HMGCLL1: variants seen among roughly 807,000 people sequenced by gnomAD.
The protein encoded by HMGCLL1 is 3-hydroxymethyl-3-methylglutaryl-CoA lyase, cytoplasmic.
In HMGCLL1, 36 loss-of-function variants were observed where a neutral mutation model predicts 39.1. The observed-to-expected ratio is 0.92, with a 90% CI of 0.71 to 1.22. The LOEUF (loss-of-function observed/expected upper bound fraction) is 1.22. HMGCLL1 is among the 50% of genes most tolerant of loss of function. The pLI, the probability that HMGCLL1 is intolerant of heterozygous loss-of-function variation, is 0.00. For missense variants in HMGCLL1, 451 were observed against 416.5 expected (o/e 1.08, Z -0.72); for synonymous variants, 149 against 144.0 (o/e 1.03, Z -0.25).
intron 3 of HMGCLL1, among the ~76,000 whole-genome samples, chr6:55,533,761 C>G (rs1443606556): frequency 6.7e-6 from 1 of 149,448 alleles, no homozygotes; most frequent in Non-Finnish European, 1.5e-5. Context: ...TAGCGGGCGC[C>G]TGTAGTCCCA....
the HMGCLL1 span, among the ~76,000 whole-genome samples, chr6:55,634,333 A>G: frequency 6.6e-6 from 1 of 152,086 alleles, no homozygotes; most frequent in South Asian, 2.1e-4. Context: ...GAGTAATAAG[A>G]AATGAACAGG....
At chr6:55,566,350 A>G (rs1771210343) in intron 1 of HMGCLL1, among the ~76,000 whole-genome samples, 1 of 152,160 alleles carries the variant, frequency 6.6e-6, no homozygotes, top group Admixed American at 6.6e-5. Context: ...CACCAAAAAG[A>G]CTTTATGAAA....
chr6:55,504,068 A>G (rs940630816), intron 5 of HMGCLL1, among the ~76,000 whole-genome samples: 2 of 151,740 alleles, frequency 1.3e-5, no homozygotes, highest in African/African-American at 2.4e-5. Flanking sequence ...CTACTGAATA[A>G]ACTGGTGTTC....
the HMGCLL1 span, among the ~76,000 whole-genome samples, chr6:55,636,738 T>A: frequency 6.6e-6 from 1 of 152,262 alleles, no homozygotes; most frequent in East Asian, 1.9e-4. Flanking sequence ...GTATCACTTT[T>A]AAATCTATAT....
At chr6:55,642,154 C>T in the HMGCLL1 span, among the ~76,000 whole-genome samples, 21 of 131,808 alleles carry the variant, frequency 1.6e-4, no homozygotes, top group East Asian at 3.3e-3. Context: ...TGAGAATATG[C>T]GGTGTTTGGT....
the HMGCLL1 span, among the ~76,000 whole-genome samples, chr6:55,639,373 T>C: frequency 6.6e-6 from 1 of 150,816 alleles, no homozygotes; most frequent in Non-Finnish European, 1.5e-5. Context: ...ATTCTGTGAA[T>C]ATTTATTGAA....
the HMGCLL1 span, among the ~76,000 whole-genome samples, chr6:55,635,628 G>A: frequency 8.7e-4 from 133 of 152,144 alleles, no homozygotes; most frequent in Middle Eastern, 3.4e-3. Flanking sequence ...TTTTGCTTTC[G>A]CTTAAGTTTG....
intron 1 of HMGCLL1, among the ~76,000 whole-genome samples, chr6:55,576,762 TG>T (rs1297212993): frequency 1.3e-5 from 2 of 152,208 alleles, no homozygotes; most frequent in African/African-American, 4.8e-5. Context: ...AGATAGTTTC[TG>T]GTGTATGGCT....
intron 7 of HMGCLL1, among the ~76,000 whole-genome samples, chr6:55,494,468 A>G (rs1034050047): frequency 6.6e-6 from 1 of 152,200 alleles, no homozygotes; most frequent in African/African-American, 2.4e-5. Flanking sequence ...AGACCATGGA[A>G]TAACATTTTC....
intron 7 of HMGCLL1, among the ~76,000 whole-genome samples, chr6:55,475,430 A>C (rs1028752366): frequency 2.6e-5 from 4 of 151,528 alleles, no homozygotes; most frequent in Admixed American, 2.0e-4. Flanking sequence ...TAGGCAGTTA[A>C]GAAGATCTCA....
intron 7 of HMGCLL1, among the ~76,000 whole-genome samples, chr6:55,442,423 C>T (rs1369959572): frequency 6.6e-6 from 1 of 152,102 alleles, no homozygotes; most frequent in Non-Finnish European, 1.5e-5. Flanking sequence ...GTTGCTCAAA[C>T]TGTTCAACAT....
At chr6:55,580,650 C>G (rs761056773), upstream of HMGCLL1, among the ~76,000 whole-genome samples, 1 of 152,018 alleles carries the variant, frequency 6.6e-6, no homozygotes, top group Non-Finnish European at 1.5e-5. Context: ...CTCCTGACCT[C>G]GTGGTCTGAC....
the HMGCLL1 span, among the ~76,000 whole-genome samples, chr6:55,628,776 A>C: frequency 3.9e-5 from 6 of 152,104 alleles, no homozygotes; most frequent in Non-Finnish European, 8.8e-5. Flanking sequence ...ATAGTGAATA[A>C]GTCTCATGAA....
the HMGCLL1 span, among the ~76,000 whole-genome samples, chr6:55,657,639 C>T: frequency 1.3e-5 from 2 of 151,708 alleles, no homozygotes; most frequent in Non-Finnish European, 2.9e-5. Context: ...TTCACAATAG[C>T]AAAATATGGA....
chr6:55,648,948 A>T, the HMGCLL1 span, among the ~76,000 whole-genome samples: 1 of 150,950 alleles, frequency 6.6e-6, no homozygotes, highest in South Asian at 2.1e-4. Flanking sequence ...CTTGATGAAC[A>T]TTGATGCAAA....
At chr6:55,558,192 C>A (rs1406323089) in intron 1 of HMGCLL1, among the ~76,000 whole-genome samples, 2 of 152,040 alleles carry the variant, frequency 1.3e-5, no homozygotes, top group Non-Finnish European at 2.9e-5. Context: ...AAAGGGTTAC[C>A]CTACTAAGGT....
In HMGCLL1 at chr6:55,527,716, T is replaced by G. The variant is rs145583991; in HGVS notation, c.298-11113A>C. ...TTCTTGTCTATATCATATATTGAAG[T>G]TCTACATAAAGTTTTACCCATGACA... On this transcript the variant is annotated intron_variant, in intron 3 of 8. Transcript: ENST00000274901. Among the ~76,000 whole-genome samples, 446 of 152,154 alleles carry G rather than the reference T, an allele frequency of 2.9e-3. 4 individuals are homozygous for G. Among genetic ancestry groups the G allele is most frequent in the African/African-American group, 0.01 (425 of 41,534 alleles).
chr6:55,477,211 T>A (rs1294453391), intron 7 of HMGCLL1, among the ~76,000 whole-genome samples: 3 of 19,616 alleles, frequency 1.5e-4, no homozygotes, highest in East Asian at 2.6e-3. Context: ...ATAATATATA[T>A]TATATTATAA....
chr6:55,658,474 C>T, the HMGCLL1 span, among the ~76,000 whole-genome samples: 2 of 151,906 alleles, frequency 1.3e-5, no homozygotes, highest in African/African-American at 4.8e-5. Context: ...GGGGCTTGGG[C>T]TTCTGTCAAC....
Sources: allele counts gnomAD v4.1 joint callset (sites outside exome capture counted in the v4.1 genomes callset), GRCh38; gene constraint gnomAD v4.1.1; transcripts MANE v1.5; gene names NCBI Gene and HGNC (gene_info 2026-07-23, HGNC 2026-07-21).